Variants in CDYL2 observed in about 807,000 individuals in gnomAD.
The protein encoded by CDYL2 is chromodomain Y like 2.
In CDYL2, 23 loss-of-function variants were observed where a neutral mutation model predicts 49.4. The ratio of observed to expected loss-of-function variants is 0.47; its 90% CI spans 0.34 to 0.66. The LOEUF (loss-of-function observed/expected upper bound fraction) is 0.66, where lower values mean the gene tolerates loss of function less well. Among genes scored for constraint, CDYL2 ranks in the 30% least tolerant of loss-of-function variants. The pLI is 0.01. For synonymous variants in CDYL2, 360 were observed against 268.8 expected, an observed-to-expected ratio of 1.34 and a Z score of -3.32; for missense variants, 678 against 656.4, an observed-to-expected ratio of 1.03 and a Z score of -0.36.
chr16:80,716,778 T>G (rs920337906), intron 1 of CDYL2, among the ~76,000 whole-genome samples: 5 of 151,470 alleles, frequency 3.3e-5, no homozygotes, highest in Admixed American at 3.3e-4. Context: ...GATGACCAGA[T>G]GACTGGATGG....
At chr16:80,644,491 A>C (rs575825929) in intron 2 of CDYL2, among the ~76,000 whole-genome samples, 1 of 152,314 alleles carries the variant, frequency 6.6e-6, no homozygotes, top group East Asian at 1.9e-4. Context: ...GCTGCTGATA[A>C]AGACACTGGG....
At chr16:80,633,804 G>C (rs1157901040) in intron 2 of CDYL2, among the ~76,000 whole-genome samples, 1 of 152,152 alleles carries the variant, frequency 6.6e-6, no homozygotes, top group Admixed American at 6.5e-5. Context: ...TCTTCCTCTC[G>C]CAAATCAATT....
At chr16:80,651,503 A>G (rs1416975072) in intron 2 of CDYL2, among the ~76,000 whole-genome samples, 1 of 152,252 alleles carries the variant, frequency 6.6e-6, no homozygotes, top group Non-Finnish European at 1.5e-5. Flanking sequence ...ACTACTCTGC[A>G]TGATACTACA....
intron 1 of CDYL2, among the ~76,000 whole-genome samples, chr16:80,698,765 T>C (rs560656479): frequency 6.6e-6 from 1 of 152,212 alleles, no homozygotes; most frequent in Admixed American, 6.5e-5. Context: ...GATTGTAAGT[T>C]TCCTGAGGCC....
upstream of CDYL2, among the ~76,000 whole-genome samples, chr16:80,804,771 G>A (rs1908050554): frequency 2.0e-5 from 3 of 150,426 alleles, no homozygotes; most frequent in Admixed American, 6.6e-5. Flanking sequence ...GGGGCGGCGG[G>A]CCAGGTGCCC....
intron 6 of CDYL2, among the ~76,000 whole-genome samples, chr16:80,607,319 G>A (rs1014740451): frequency 1.3e-5 from 2 of 152,170 alleles, no homozygotes; most frequent in African/African-American, 4.8e-5. Context: ...AGTCAGGGAT[G>A]AGAAGCATGA....
intron 2 of CDYL2, among the ~76,000 whole-genome samples, chr16:80,672,350 C>CAG (rs542619896): frequency 2.0e-4 from 21 of 103,768 alleles, no homozygotes; most frequent in South Asian, 3.0e-4. Flanking sequence ...CACACACACA[C>CAG]ACAGAGAGAG....
intron 2 of CDYL2, among the ~76,000 whole-genome samples, chr16:80,676,138 T>C (rs1196010249): frequency 6.6e-6 from 1 of 152,150 alleles, no homozygotes; most frequent in Non-Finnish European, 1.5e-5. Flanking sequence ...TCCATGTGCA[T>C]AGGGCGGTGG....
In CDYL2 at chr16:80,729,100, A is replaced by C. The variant is rs1431610888; in HGVS notation, c.25-43971T>G. Among the ~76,000 whole-genome samples, 16 of 152,310 alleles carry C rather than the reference A, an allele frequency of 1.1e-4. 1 individual carries two copies. The highest frequency in any genetic ancestry group is 2.9e-5 in the Non-Finnish European group (2 of 68,034). On this transcript the variant is annotated intron_variant, in intron 1 of 6. Transcript: ENST00000570137. ...GACAGGTTCAAATTCACACATAACA[A>C]TATTAACTTTAAATGTAAATGGACT...
chr16:80,614,118 C>T (rs898448280), intron 4 of CDYL2, among the ~76,000 whole-genome samples: 1 of 152,268 alleles, frequency 6.6e-6, no homozygotes, highest in Non-Finnish European at 1.5e-5. Context: ...AATTAGCACT[C>T]AGTAAACAGC....
intron 1 of CDYL2, among the ~76,000 whole-genome samples, chr16:80,694,768 T>C (rs1003467324): frequency 9.9e-5 from 15 of 151,940 alleles, no homozygotes; most frequent in African/African-American, 3.4e-4. Context: ...TGAAAAAAAC[T>C]AGGGCTCCCT....
intron 2 of CDYL2, among the ~76,000 whole-genome samples, chr16:80,683,065 G>A (rs755294731): frequency 1.9e-4 from 29 of 152,294 alleles, no homozygotes; most frequent in Admixed American, 8.5e-4. Context: ...AGCTCTGCAC[G>A]TTCTGGACTC....
intron 1 of CDYL2, among the ~76,000 whole-genome samples, chr16:80,752,108 C>T (rs577733682): frequency 4.8e-5 from 7 of 144,614 alleles, no homozygotes; most frequent in African/African-American, 1.7e-4. Flanking sequence ...TTTAGCAAAG[C>T]GAAATTAATC....
intron 2 of CDYL2, among the ~76,000 whole-genome samples, chr16:80,635,959 G>A (rs1907803176): frequency 6.6e-6 from 1 of 152,144 alleles, no homozygotes; most frequent in South Asian, 2.1e-4. Context: ...AACAAGCAAT[G>A]GGGAAAGGAT....
chr16:80,759,106 A>ATATC, intron 1 of CDYL2, among the ~76,000 whole-genome samples: 1 of 59,240 alleles, frequency 1.7e-5, no homozygotes, highest in African/African-American at 7.5e-5. Context: ...CATATACTAT[A>ATATC]TATATATATA....
intron 2 of CDYL2, among the ~76,000 whole-genome samples, chr16:80,672,697 C>A (rs957960163): frequency 3.3e-5 from 5 of 152,194 alleles, no homozygotes; most frequent in African/African-American, 9.7e-5. Flanking sequence ...AGCTGCCTAA[C>A]TAACTTTGTA....
At chr16:80,626,661 G>A (rs1462569454) in intron 3 of CDYL2, among the ~76,000 whole-genome samples, 3 of 152,246 alleles carry the variant, frequency 2.0e-5, no homozygotes, top group African/African-American at 4.8e-5. Context: ...GTGTGCCTGG[G>A]TGAAGCTTAG....
intron 2 of CDYL2, among the ~76,000 whole-genome samples, chr16:80,641,157 A>G (rs1908068175): frequency 6.6e-6 from 1 of 152,204 alleles, no homozygotes; most frequent in African/African-American, 2.4e-5. Context: ...AAGGCATTCA[A>G]TAGTCAAACT....
chr16:80,658,519 A>G (rs1908904681), intron 2 of CDYL2, among the ~76,000 whole-genome samples: 1 of 152,164 alleles, frequency 6.6e-6, no homozygotes, highest in Non-Finnish European at 1.5e-5. Flanking sequence ...TGAGTAGTTC[A>G]GGATTGAGAA....
Sources: gnomAD v4.1 joint callset for allele counts (sites outside exome capture counted in the v4.1 genomes callset) on GRCh38, gnomAD v4.1.1 for gene constraint, MANE v1.5 for transcripts, NCBI Gene and HGNC (gene_info 2026-07-23, HGNC 2026-07-21) for gene names.